The following USP31 variants were observed in gnomAD, a reference collection of about 807,000 sequenced individuals.
The protein encoded by USP31 is ubiquitin specific peptidase 31, also known as ubiquitin carboxyl-terminal hydrolase 31.
USP31 carries 44 observed loss-of-function variants against 119.4 expected under a neutral mutation model. The observed-to-expected ratio is 0.37, with a 90% confidence interval of 0.29 to 0.47. The LOEUF is 0.47. Among genes scored for constraint, USP31 ranks in the 20% least tolerant of loss-of-function variants. The pLI, the probability that USP31 is intolerant of heterozygous loss-of-function variation, is 0.99. For synonymous variants in USP31, 749 were observed against 705.6 expected, an observed-to-expected ratio of 1.06 and a Z score of -0.97; for missense variants, 1,643 against 1,730.2, an observed-to-expected ratio of 0.95 and a Z score of 0.89.
At chr16:23,074,079 A>G in intron 13 of USP31, 199 bp from the exon 14 acceptor site, 1 of 622,652 alleles carries the variant, frequency 1.6e-6, no homozygotes, top group East Asian at 3.1e-5. Context: ...ATTCCAAACC[A>G]TTCCAAGTAG....
intron 1 of USP31, among the ~76,000 whole-genome samples, chr16:23,143,795 G>A (rs1290983646): frequency 6.6e-6 from 1 of 151,878 alleles, no homozygotes; most frequent in Non-Finnish European, 1.5e-5. Flanking sequence ...AGCATCCCTG[G>A]AATCTACCAC....
intron 1 of USP31, among the ~76,000 whole-genome samples, chr16:23,133,242 A>T (rs902667763): frequency 6.6e-6 from 1 of 152,156 alleles, no homozygotes; most frequent in African/African-American, 2.4e-5. Flanking sequence ...ACAGTCCTCA[A>T]GTGAGGTCTG....
intron 5 of USP31, 118 bp downstream of exon 5, chr16:23,105,323 G>A (rs986941499): frequency 3.9e-6 from 5 of 1,273,336 alleles, no homozygotes; most frequent in Non-Finnish European, 4.1e-6. Flanking sequence ...AACTCTAAAT[G>A]CAACTGGTTT....
At position 23,066,223 on chromosome 16, in the gene USP31, G is replaced by A. The variant is rs1200564258; in HGVS notation, c.*1823C>T. On this transcript the variant is annotated 3_prime_UTR_variant, in exon 16 of 16. Transcript: ENST00000219689. ...CAGGCTCACAGTCAATGAATCACATGGAGCACTGTGGTAACTTTCACAAGG... is the reference window on the plus strand; with the variant it reads ...CAGGCTCACAGTCAATGAATCACATAGAGCACTGTGGTAACTTTCACAAGG... The A allele has an allele frequency of 6.6e-6, 1 of 152,560 alleles. No homozygotes were observed. The highest frequency in any genetic ancestry group is 1.5e-5 in the Non-Finnish European group (1 of 68,030). The allele number at this position is 152,560 out of a possible 1,614,324, so 9.5% of individuals were successfully genotyped here. A position where few individuals can be genotyped will look rare whatever the true frequency, so the allele number is the denominator to read the frequency against.
At chr16:23,081,360 T>C (rs1320911360) in intron 12 of USP31, among the ~76,000 whole-genome samples, 1 of 152,154 alleles carries the variant, frequency 6.6e-6, no homozygotes, top group East Asian at 1.9e-4. Flanking sequence ...ATGCCCACTC[T>C]TCACTCCCAT....
intron 1 of USP31, among the ~76,000 whole-genome samples, chr16:23,137,996 T>C (rs754258110): frequency 6.6e-6 from 1 of 152,106 alleles, no homozygotes; most frequent in Non-Finnish European, 1.5e-5. Context: ...ATATAAAATA[T>C]CGTAAGCGGA....
chr16:23,148,610 G>T, intron 1 of USP31, 28 bp downstream of exon 1: 3 of 1,445,002 alleles, frequency 2.1e-6, no homozygotes, highest in Non-Finnish European at 9.0e-7. Flanking sequence ...TCGGGGTGCA[G>T]TGGGGGCGCG....
chr16:23,119,771 A>G (rs1902608117), intron 1 of USP31, among the ~76,000 whole-genome samples: 1 of 152,230 alleles, frequency 6.6e-6, no homozygotes, highest in Non-Finnish European at 1.5e-5. Flanking sequence ...AGAAAGATCA[A>G]GTTGCAGCAT....
chr16:23,067,928 C>CAG lies in USP31; in HGVS notation c.*116_*117dup. 1 of 1,295,894 alleles carries CAG rather than the reference C, an allele frequency of 7.7e-7. No individual in the cohort carries two copies. 80.3% of individuals were successfully genotyped at this position (1,295,894 alleles called of 1,614,324 possible). On this transcript the variant is annotated 3_prime_UTR_variant, in exon 16 of 16. Coordinates refer to ENST00000219689, the MANE Select transcript of USP31 (RefSeq NM_020718.4). ...ACGCATACACTCACACACACACACA[C>CAG]AGTCGGGCACGTGACTCAAAAAAGT...
chr16:23,078,424 C>G (rs1051741432), intron 13 of USP31, among the ~76,000 whole-genome samples: 3 of 152,148 alleles, frequency 2.0e-5, no homozygotes, highest in Non-Finnish European at 4.4e-5. Flanking sequence ...GCCACTCACC[C>G]CTCACTGTGC....
intron 12 of USP31, among the ~76,000 whole-genome samples, chr16:23,082,137 C>T (rs781297652): frequency 1.5e-4 from 23 of 152,316 alleles, no homozygotes; most frequent in Non-Finnish European, 2.8e-4. Context: ...CAGAATTCTA[C>T]CTCCCCCAGA....
At chr16:23,146,283 T>G (rs573304106) in intron 1 of USP31, among the ~76,000 whole-genome samples, 1 of 151,822 alleles carries the variant, frequency 6.6e-6, no homozygotes, top group Admixed American at 6.5e-5. Context: ...CTCCTGATCA[T>G]TCTCCCTTTC....
chr16:23,074,983 G>A (rs1900502666), intron 13 of USP31, among the ~76,000 whole-genome samples: 1 of 152,184 alleles, frequency 6.6e-6, no homozygotes, highest in African/African-American at 2.4e-5. Flanking sequence ...GGGCAGATAA[G>A]GTCCTGAGAG....
At chr16:23,074,447 G>A (rs1051338864) in intron 13 of USP31, among the ~76,000 whole-genome samples, 2 of 152,184 alleles carry the variant, frequency 1.3e-5, no homozygotes, top group East Asian at 1.9e-4. Flanking sequence ...AATATAATAT[G>A]TAACACTTAT....
At chr16:23,116,591 A>G (rs116806391) in intron 1 of USP31, among the ~76,000 whole-genome samples, 3,783 of 152,304 alleles carry the variant, frequency 0.025, 58 homozygotes, top group African/African-American at 0.04. Flanking sequence ...CTTCCTCCTT[A>G]TCTTCTCCTC....
At chr16:23,108,252 T>C (rs2141876264) in intron 1 of USP31, 69 bp from the exon 2 acceptor site, 2 of 1,522,842 alleles carry the variant, frequency 1.3e-6, no homozygotes, top group Non-Finnish European at 1.8e-6. Flanking sequence ...TATTTATTCA[T>C]AATCGCAAAA....
At chr16:23,141,613 G>A (rs774905230) in intron 1 of USP31, among the ~76,000 whole-genome samples, 18 of 152,148 alleles carry the variant, frequency 1.2e-4, no homozygotes, top group Admixed American at 2.6e-4. Context: ...CTGAGCTCAA[G>A]CTATCTGTCT....
In USP31 at chr16:23,068,010, C is replaced by T; in HGVS notation, c.*36G>A. On this transcript the variant is annotated 3_prime_UTR_variant, in exon 16 of 16. Coordinates refer to ENST00000219689, the MANE Select transcript of USP31 (RefSeq NM_020718.4). ...AGGGCAGGGGTTCTAAATAAATAAA[C>T]ATCTTTACAGATAAAACACTTTGAT... 6.4e-7 allele frequency: 1 copy of T among 1,567,004 alleles called. No individual in the cohort carries two copies. The highest frequency in any genetic ancestry group is 8.6e-7 in the Non-Finnish European group (1 of 1,159,216).
chr16:23,082,494 ACG>A lies in USP31; in HGVS notation c.1892_1893del (p.Thr631IlefsTer8). The A allele has an allele frequency of 6.2e-7, 1 of 1,614,210 alleles. No individual in the cohort carries two copies. The highest frequency in any genetic ancestry group is 8.5e-7 in the Non-Finnish European group (1 of 1,180,034). On this transcript the variant is annotated frameshift_variant, in exon 12 of 16. Coordinates refer to ENST00000219689, the MANE Select transcript of USP31 (RefSeq NM_020718.4). LOFTEE classifies it high-confidence loss of function. Reference protein sequence around the residue: ...HCKQLQQGSITLSLWTLPDVL... With the variant: ...HCKQLQQGSIXLSLWTLPDVL... ...ACATCAGGCAGAGTCCAGAGGCTTA[ACG>A]TAATGCTTCCCTGCTGCAGCTGCTT...
Sources: allele counts gnomAD v4.1 joint callset (sites outside exome capture counted in the v4.1 genomes callset), GRCh38; gene constraint gnomAD v4.1.1; transcripts MANE v1.5; gene names NCBI Gene and HGNC (gene_info 2026-07-23, HGNC 2026-07-21).